CCSER1: variants seen among roughly 807,000 people sequenced by gnomAD.
The protein encoded by CCSER1 is serine-rich coiled-coil domain-containing protein 1.
Under a neutral mutation model 82.0 loss-of-function variants are expected in CCSER1, and 41 were observed. The observed-to-expected ratio is 0.50, with a 90% CI of 0.39 to 0.65. The LOEUF (loss-of-function observed/expected upper bound fraction) is 0.65. CCSER1 is among the 30% of genes least tolerant of loss of function. The pLI is 0.00. For missense variants in CCSER1, 1,119 were observed against 1,064.2 expected (o/e 1.05, Z -0.72); for synonymous variants, 414 against 383.9 (o/e 1.08, Z -0.92).
intron 9 of CCSER1, among the ~76,000 whole-genome samples, chr4:90,970,632 A>G (rs1320423223): frequency 6.6e-6 from 1 of 152,002 alleles, no homozygotes; most frequent in Non-Finnish European, 1.5e-5. Context: ...CAGCAGCAGA[A>G]TGCACATTTT....
intron 9 of CCSER1, among the ~76,000 whole-genome samples, chr4:90,995,417 T>C (rs1393141621): frequency 1.3e-5 from 2 of 152,130 alleles, no homozygotes; most frequent in Non-Finnish European, 2.9e-5. Context: ...CTGTGGGAGA[T>C]GCAAAAATGA....
At chr4:90,955,005 A>G (rs1482398781) in intron 9 of CCSER1, among the ~76,000 whole-genome samples, 2 of 152,170 alleles carry the variant, frequency 1.3e-5, no homozygotes, top group Non-Finnish European at 2.9e-5. Flanking sequence ...CAAGTCTTTC[A>G]TGGCCAAAAT....
In CCSER1 at chr4:90,581,389, G is replaced by T. The variant is rs1781399968; in HGVS notation, c.1725-46636G>T. On this transcript the variant is annotated intron_variant, in intron 5 of 10. Coordinates refer to ENST00000509176, the MANE Select transcript of CCSER1 (RefSeq NM_001145065.2). Reference sequence around the variant, plus strand: ...AATTTATTTTTCTTCAGGACATTCAGTAGGAAGATAGAATGATGAAATGAT... The same window carrying T: ...AATTTATTTTTCTTCAGGACATTCATTAGGAAGATAGAATGATGAAATGAT... 3.3e-5 allele frequency among the ~76,000 whole-genome samples: 5 copies of T among 152,214 alleles called. No homozygotes were observed. In the South Asian group the frequency reaches 8.3e-4, roughly 25 times the overall value.
intron 1 of CCSER1, among the ~76,000 whole-genome samples, chr4:90,167,152 C>T (rs1730615638): frequency 6.6e-6 from 1 of 151,996 alleles, no homozygotes. Flanking sequence ...TACTTAAAAA[C>T]TCAAACTCAA....
intron 4 of CCSER1, among the ~76,000 whole-genome samples, chr4:90,409,235 A>G (rs1382643042): frequency 6.6e-6 from 1 of 152,234 alleles, no homozygotes; most frequent in African/African-American, 2.4e-5. Flanking sequence ...AACTTCCCCA[A>G]TCTAGCAAGG....
At chr4:90,252,796 T>G in intron 1 of CCSER1, among the ~76,000 whole-genome samples, 1 of 152,034 alleles carries the variant, frequency 6.6e-6, no homozygotes, top group East Asian at 1.9e-4. Flanking sequence ...TTATTTCATT[T>G]TTTCAATTGT....
At chr4:91,233,336 T>A (rs1738766079) in intron 10 of CCSER1, among the ~76,000 whole-genome samples, 1 of 151,834 alleles carries the variant, frequency 6.6e-6, no homozygotes, top group Non-Finnish European at 1.5e-5. Context: ...GAAAGTGAAG[T>A]GAAAGTGAAA....
chr4:91,185,555 G>T (rs2149038476), intron 10 of CCSER1, among the ~76,000 whole-genome samples: 1 of 152,318 alleles, frequency 6.6e-6, no homozygotes, highest in East Asian at 1.9e-4. Flanking sequence ...GACAGACATT[G>T]TATGGGGATG....
intron 10 of CCSER1, chr4:91,108,214 T>C (rs894153864): frequency 6.6e-6 from 1 of 152,228 alleles, no homozygotes; most frequent in Non-Finnish European, 1.5e-5. Flanking sequence ...ATTGCCAATA[T>C]GTGATTCCTG....
intron 1 of CCSER1, among the ~76,000 whole-genome samples, chr4:90,228,316 CT>C (rs1271934230): frequency 6.6e-6 from 1 of 152,196 alleles, no homozygotes; most frequent in Non-Finnish European, 1.5e-5. Context: ...TCCCTGACCC[CT>C]GACCCCCGAG....
At chr4:91,382,344 G>A (rs1750970916) in intron 10 of CCSER1, among the ~76,000 whole-genome samples, 1 of 152,194 alleles carries the variant, frequency 6.6e-6, no homozygotes, top group African/African-American at 2.4e-5. Flanking sequence ...TTCAGCTGCA[G>A]TGAGTTCCAC....
chr4:90,660,679 ATT>A (rs1730612357), intron 6 of CCSER1, among the ~76,000 whole-genome samples: 1 of 152,100 alleles, frequency 6.6e-6, no homozygotes, highest in Non-Finnish European at 1.5e-5. Flanking sequence ...AAGAAAAATT[ATT>A]GTTTGTTATT....
Position 90,911,231 on chromosome 4 carries a change from T to G in CCSER1, c.2095-12139T>G, listed in dbSNP as rs1166545513. The G allele has an allele frequency of 6.8e-6, 3 of 439,654 alleles. No homozygotes were observed. The Admixed American group carries it at 7.9e-5, about 12-fold the overall frequency. 27.2% of individuals were successfully genotyped at this position (439,654 alleles called of 1,614,324 possible). A position where few individuals can be genotyped will look rare whatever the true frequency, so the allele number is the denominator to read the frequency against. ...TTCTACAACAAAAAAATTATATTAA[T>G]AAAGTTTAGTGTCTCCTTGATAGCT... On this transcript the variant is annotated intron_variant, in intron 8 of 10. Transcript: ENST00000509176.
chr4:90,312,942 A>G lies in CCSER1; in HGVS notation c.1404A>G (p.Ala468=). The change falls in exon 3 of 11, where the codon GCA becomes GCG. Residue 468 remains alanine (A), a synonymous_variant. Transcript: ENST00000509176. ...TGCGATCCTCGTCAGAAGGCACTGC[A>G]GGGAGTAGCAGAATGATTTTGAAAC... ...RRLRSSSEGT[A]GSSRMILKPK... 1.3e-6 allele frequency: 2 copies of G among 1,591,158 alleles called. No homozygotes were observed. Among genetic ancestry groups the G allele is most frequent in the Non-Finnish European group, 8.6e-7 (1 of 1,167,474 alleles).
intron 4 of CCSER1, among the ~76,000 whole-genome samples, chr4:90,447,814 T>A (rs898085033): frequency 1.3e-5 from 2 of 152,140 alleles, no homozygotes; most frequent in Non-Finnish European, 2.9e-5. Context: ...TGGTAATAAA[T>A]AACATTTGTA....
rs201354908 is a variant in CCSER1, at chr4:90,611,059, CTTT to C, written c.1725-16948_1725-16946del. 1.3e-3 allele frequency among the ~76,000 whole-genome samples: 125 copies of C among 93,818 alleles called. 1 individual carries two copies. The highest frequency in any genetic ancestry group is 5.7e-3 in the African/African-American group (103 of 17,972). The allele number at this position is 93,818 out of a possible 152,430, so 61.5% of individuals were successfully genotyped here. Reference sequence around the variant, plus strand: ...TGCCTGGCTAATTTTCTTTTCTTTTCTTTTTTTTTTTTTTTTTTTTGTAGAGAT... The same window carrying C: ...TGCCTGGCTAATTTTCTTTTCTTTTCTTTTTTTTTTTTTTTTTGTAGAGAT... On this transcript the variant is annotated intron_variant, in intron 5 of 10. Transcript: ENST00000509176.
rs151084029 is a variant in CCSER1, at chr4:90,530,661, T to A, written c.1724+62307T>A. On this transcript the variant is annotated intron_variant, in intron 5 of 10. Coordinates refer to ENST00000509176, the MANE Select transcript of CCSER1 (RefSeq NM_001145065.2). The stretch of plus-strand genomic sequence containing the variant: ...GCTCCTGGAACTGTCATGGCGCTTG[T>A]AGGTATGTTATTGACTATGTTAATG... Among the ~76,000 whole-genome samples the A allele has an allele frequency of 5.2e-3, 789 of 152,244 alleles. 15 individuals are homozygous for A. The highest frequency in any genetic ancestry group is 0.025 in the Admixed American group (381 of 15,286).
chr4:91,361,694 CTAAT>C lies in CCSER1; in HGVS notation c.2218-236872_2218-236869del, dbSNP rs1044294628. Among the ~76,000 whole-genome samples, 17 of 151,650 alleles carry C rather than the reference CTAAT, an allele frequency of 1.1e-4. No homozygotes were observed. In the Middle Eastern group the frequency reaches 0.01, roughly 92 times the overall value. On this transcript the variant is annotated intron_variant, in intron 10 of 10. Transcript: ENST00000509176. ...AGTAAGAGCGAAATCTATGAAGACA[CTAAT>C]TAATTTAGTTTGAAGACATGTCTTT...
At chr4:90,167,004 G>A (rs773196552) in intron 1 of CCSER1, among the ~76,000 whole-genome samples, 3 of 152,014 alleles carry the variant, frequency 2.0e-5, no homozygotes, top group Middle Eastern at 3.6e-3. Context: ...TTAATCAAGC[G>A]TAAGTTTATG....
Sources: allele counts gnomAD v4.1 joint callset (sites outside exome capture counted in the v4.1 genomes callset), GRCh38; gene constraint gnomAD v4.1.1; transcripts MANE v1.5; gene names NCBI Gene and HGNC (gene_info 2026-07-23, HGNC 2026-07-21).